Variants in FAM171A1 observed in about 807,000 individuals in gnomAD.
FAM171A1 encodes the protein family with sequence similarity 171 member A1, also known as protein FAM171A1.
In FAM171A1, 23 loss-of-function variants were observed where a neutral mutation model predicts 74.9. The ratio of observed to expected loss-of-function variants is 0.31; its 90% CI spans 0.22 to 0.44. FAM171A1 has a LOEUF of 0.44. FAM171A1 is among the 20% of genes least tolerant of loss of function. The pLI is 1.00. For synonymous variants in FAM171A1, 527 were observed against 505.7 expected (o/e 1.04, Z -0.57); for missense variants, 1,162 against 1,159.2 (o/e 1.00, Z -0.03).
chr10:15,327,751 C>T (rs1462906646), intron 1 of FAM171A1, among the ~76,000 whole-genome samples: 2 of 152,038 alleles, frequency 1.3e-5, no homozygotes, highest in Non-Finnish European at 2.9e-5. Context: ...AAGGAAATAA[C>T]AGACACATGG....
At position 15,270,998 on chromosome 10, in the gene FAM171A1, C is replaced by T. The variant is rs143526290; in HGVS notation, c.418+4857G>A. 5.2e-3 allele frequency among the ~76,000 whole-genome samples: 790 copies of T among 152,296 alleles called. 11 individuals carry two copies. Among genetic ancestry groups the T allele is most frequent in the African/African-American group, 0.018 (755 of 41,558 alleles). On this transcript the variant is annotated intron_variant, in intron 3 of 7. Transcript: ENST00000378116. ...TCTCCTCAAAAGGAATGCAGCTCCT[C>T]GCCAGCAATGGAACAAAGCTGGACA... is the stretch of plus-strand genomic sequence containing the variant.
intron 1 of FAM171A1, among the ~76,000 whole-genome samples, chr10:15,301,569 G>C (rs1178662654): frequency 3.3e-5 from 5 of 152,120 alleles, no homozygotes; most frequent in Admixed American, 6.6e-5. Flanking sequence ...CTAGAGCAAA[G>C]AGCAGGCATG....
intron 1 of FAM171A1, among the ~76,000 whole-genome samples, chr10:15,314,191 C>G (rs992375261): frequency 6.6e-6 from 1 of 152,054 alleles, no homozygotes; most frequent in East Asian, 1.9e-4. Flanking sequence ...ACAGGAGGCA[C>G]GTCGTGTGTT....
At chr10:15,222,747 T>G (rs1834054583) in intron 5 of FAM171A1, among the ~76,000 whole-genome samples, 1 of 152,234 alleles carries the variant, frequency 6.6e-6, no homozygotes, top group African/African-American at 2.4e-5. Context: ...ATGCCCTTGG[T>G]GATGCCTCCC....
chr10:15,308,507 A>G (rs1300871960), intron 1 of FAM171A1, among the ~76,000 whole-genome samples: 1 of 152,128 alleles, frequency 6.6e-6, no homozygotes, highest in Non-Finnish European at 1.5e-5. Flanking sequence ...TCCATTGCCC[A>G]GGCTGGAGTG....
At chr10:15,276,349 T>C (rs550647015) in intron 2 of FAM171A1, among the ~76,000 whole-genome samples, 1 of 152,012 alleles carries the variant, frequency 6.6e-6, no homozygotes, top group South Asian at 2.1e-4. Context: ...CCCAGATAAT[T>C]TTTGCATTTT....
intron 1 of FAM171A1, among the ~76,000 whole-genome samples, chr10:15,346,606 T>A (rs139702152): frequency 2.0e-5 from 3 of 152,302 alleles, no homozygotes; most frequent in East Asian, 3.9e-4. Flanking sequence ...CCGAGGTCCA[T>A]CTGGACTACA....
intron 2 of FAM171A1, among the ~76,000 whole-genome samples, chr10:15,282,559 G>A (rs1418398722): frequency 6.6e-6 from 1 of 152,128 alleles, no homozygotes; most frequent in African/African-American, 2.4e-5. Context: ...AGGTGGCTAT[G>A]GACCATAACT....
At chr10:15,269,407 T>C (rs751319630) in intron 3 of FAM171A1, among the ~76,000 whole-genome samples, 6 of 152,006 alleles carry the variant, frequency 3.9e-5, no homozygotes, top group Non-Finnish European at 7.4e-5. Flanking sequence ...GTGTGAGCCA[T>C]TGTGCCTGGC....
chr10:15,304,643 TTC>T (rs1343704233), intron 1 of FAM171A1, among the ~76,000 whole-genome samples: 1 of 152,170 alleles, frequency 6.6e-6, no homozygotes, highest in African/African-American at 2.4e-5. Flanking sequence ...GCCCTGGTGT[TTC>T]TCTGTGTGGC....
chr10:15,353,541 T>C (rs775191920), intron 1 of FAM171A1, among the ~76,000 whole-genome samples: 25 of 152,332 alleles, frequency 1.6e-4, no homozygotes, highest in Non-Finnish European at 2.8e-4. Flanking sequence ...CTCATGAGCA[T>C]TGAAGCAAGA....
intron 3 of FAM171A1, among the ~76,000 whole-genome samples, chr10:15,263,816 A>G (rs545635708): frequency 2.8e-4 from 42 of 151,482 alleles, no homozygotes; most frequent in Admixed American, 7.2e-4. Flanking sequence ...TTAATCATCT[A>G]TCTAATCTAT....
chr10:15,313,459 C>T (rs1162578486), intron 1 of FAM171A1, among the ~76,000 whole-genome samples: 1 of 152,184 alleles, frequency 6.6e-6, no homozygotes, highest in African/African-American at 2.4e-5. Context: ...AAGATTAACA[C>T]TTAATCTTCC....
chr10:15,235,084 C>T (rs1834267087), intron 5 of FAM171A1, among the ~76,000 whole-genome samples: 1 of 151,980 alleles, frequency 6.6e-6, no homozygotes. Context: ...TCCAGGAGGG[C>T]CGATTACCTG....
At chr10:15,317,482 C>T (rs1375284217) in intron 1 of FAM171A1, among the ~76,000 whole-genome samples, 1 of 152,174 alleles carries the variant, frequency 6.6e-6, no homozygotes, top group African/African-American at 2.4e-5. Context: ...ACGACCTCCA[C>T]TTCCCAGGTT....
At chr10:15,366,645 ATT>A (rs1836065738) in intron 1 of FAM171A1, among the ~76,000 whole-genome samples, 1 of 152,198 alleles carries the variant, frequency 6.6e-6, no homozygotes, top group South Asian at 2.1e-4. Flanking sequence ...TACACAAGGT[ATT>A]TGTCATCACA....
intron 1 of FAM171A1, among the ~76,000 whole-genome samples, chr10:15,328,509 G>C (rs1287195100): frequency 6.6e-6 from 1 of 152,168 alleles, no homozygotes; most frequent in Non-Finnish European, 1.5e-5. Context: ...TTTAACCCTG[G>C]ATACAGAGCG....
intron 1 of FAM171A1, among the ~76,000 whole-genome samples, chr10:15,354,408 A>C (rs1300662378): frequency 6.6e-6 from 1 of 152,054 alleles, no homozygotes; most frequent in African/African-American, 2.4e-5. Context: ...AGCCAGGAGA[A>C]CTGCTTGAAC....
At chr10:15,237,522 C>A (rs1038501908) in intron 5 of FAM171A1, 2 of 152,142 alleles carry the variant, frequency 1.3e-5, no homozygotes, top group African/African-American at 2.4e-5. Context: ...TGGGCAGGAC[C>A]AGTGCTACCC....
Sources: allele counts gnomAD v4.1 joint callset (sites outside exome capture counted in the v4.1 genomes callset), GRCh38; gene constraint gnomAD v4.1.1; transcripts MANE v1.5; gene names NCBI Gene and HGNC (gene_info 2026-07-23, HGNC 2026-07-21).